TMTC2: variants seen among roughly 807,000 people sequenced by gnomAD.
The protein encoded by TMTC2 is transmembrane O-mannosyltransferase targeting cadherins 2.
A neutral mutation model predicts 82.4 loss-of-function variants in TMTC2; 43 were observed. The ratio of observed to expected loss-of-function variants is 0.52; its 90% CI spans 0.41 to 0.67. The LOEUF is 0.67. TMTC2 is among the 30% of genes least tolerant of loss of function. TMTC2 has a pLI of 0.00. For missense variants in TMTC2, 919 were observed against 1,012.4 expected (o/e 0.91, Z 1.25); for synonymous variants, 408 against 381.9 (o/e 1.07, Z -0.80).
At chr12:82,726,179 G>C (rs1874437222) in intron 1 of TMTC2, among the ~76,000 whole-genome samples, 1 of 152,138 alleles carries the variant, frequency 6.6e-6, no homozygotes, top group Non-Finnish European at 1.5e-5. Context: ...GTGATATATA[G>C]GGTGAAATAA....
intron 1 of TMTC2, among the ~76,000 whole-genome samples, chr12:82,691,251 C>A (rs1374931576): frequency 6.6e-6 from 1 of 152,050 alleles, no homozygotes; most frequent in East Asian, 1.9e-4. Flanking sequence ...TTTCTTATTG[C>A]CCATTTTGCA....
intron 1 of TMTC2, among the ~76,000 whole-genome samples, chr12:82,741,123 C>G (rs894614353): frequency 1.3e-5 from 2 of 152,202 alleles, no homozygotes. Flanking sequence ...GAGTCTGACA[C>G]TCATCTCCTG....
At chr12:82,732,125 A>C (rs748480019) in intron 1 of TMTC2, among the ~76,000 whole-genome samples, 33 of 152,212 alleles carry the variant, frequency 2.2e-4, no homozygotes, top group Non-Finnish European at 4.1e-4. Flanking sequence ...AAACAGAATT[A>C]AGTACTTATG....
chr12:83,131,802 T>C (rs193142034), intron 11 of TMTC2, among the ~76,000 whole-genome samples: 2 of 152,234 alleles, frequency 1.3e-5, no homozygotes, highest in African/African-American at 2.4e-5. Flanking sequence ...TGAATAGATA[T>C]GGATTTGTCA....
At chr12:82,952,067 C>T (rs1038523752) in intron 4 of TMTC2, among the ~76,000 whole-genome samples, 3 of 152,158 alleles carry the variant, frequency 2.0e-5, no homozygotes, top group Non-Finnish European at 4.4e-5. Context: ...CTGGTATCTC[C>T]CGCGGAGCTC....
chr12:82,780,739 A>G (rs754742461), intron 1 of TMTC2, among the ~76,000 whole-genome samples: 2 of 148,756 alleles, frequency 1.3e-5, no homozygotes, highest in African/African-American at 2.5e-5. Flanking sequence ...GGCAAATCTT[A>G]AAGAAGGCAC....
At chr12:82,915,775 A>G (rs1874966163) in intron 3 of TMTC2, among the ~76,000 whole-genome samples, 1 of 152,238 alleles carries the variant, frequency 6.6e-6, no homozygotes, top group East Asian at 1.9e-4. Context: ...GTTAGAAGCA[A>G]GCTGTAAGGG....
At chr12:82,707,926 A>G (rs1873440536) in intron 1 of TMTC2, among the ~76,000 whole-genome samples, 1 of 152,248 alleles carries the variant, frequency 6.6e-6, no homozygotes, top group African/African-American at 2.4e-5. Flanking sequence ...CCACAGAATT[A>G]TGAGGTGGTC....
intron 4 of TMTC2, among the ~76,000 whole-genome samples, chr12:82,957,769 A>C (rs73146517): frequency 0.059 from 9,035 of 152,214 alleles, 327 homozygotes; most frequent in Middle Eastern, 0.11. Context: ...GAAATGGATA[A>C]ATTCCTGGAA....
intron 3 of TMTC2, among the ~76,000 whole-genome samples, chr12:82,929,130 G>A (rs902239929): frequency 7.2e-5 from 11 of 151,954 alleles, no homozygotes; most frequent in Non-Finnish European, 1.2e-4. Context: ...GCTTGAGTGC[G>A]GTGGCGTGAT....
Position 83,123,189 on chromosome 12 carries a change from C to T in TMTC2, c.2332-9021C>T, listed in dbSNP as rs535153111. On this transcript the variant is annotated intron_variant, in intron 11 of 11. Coordinates refer to ENST00000321196, the MANE Select transcript of TMTC2 (RefSeq NM_152588.3). Reference sequence around the variant, plus strand: ...GTAACACCCACTGGGACGAGGCAGACGTAGGAGGGAAGGATTGAGCACACA... The same window carrying T: ...GTAACACCCACTGGGACGAGGCAGATGTAGGAGGGAAGGATTGAGCACACA... Among the ~76,000 whole-genome samples, 471 of 152,260 alleles carry T rather than the reference C, an allele frequency of 3.1e-3. 1 individual carries two copies. Among genetic ancestry groups the T allele is most frequent in the African/African-American group, 0.011 (452 of 41,542 alleles).
chr12:82,965,819 C>G, intron 6 of TMTC2, 75 bp downstream of exon 6: 1 of 1,541,688 alleles, frequency 6.5e-7, no homozygotes, highest in African/African-American at 1.4e-5. Context: ...AACCTACAGC[C>G]TCCTTTGAGC....
intron 11 of TMTC2, among the ~76,000 whole-genome samples, chr12:83,109,563 TTCC>T (rs1884531144): frequency 6.6e-6 from 1 of 152,218 alleles, no homozygotes; most frequent in Non-Finnish European, 1.5e-5. Flanking sequence ...CAAACATCCC[TTCC>T]TTGACTACTA....
At chr12:83,043,941 T>C (rs1278055046) in intron 9 of TMTC2, among the ~76,000 whole-genome samples, 1 of 152,212 alleles carries the variant, frequency 6.6e-6, no homozygotes, top group East Asian at 1.9e-4. Flanking sequence ...AATTAAAATA[T>C]ATTTGAAGGT....
intron 1 of TMTC2, among the ~76,000 whole-genome samples, chr12:82,708,027 T>TG (rs1479746804): frequency 2.6e-5 from 4 of 152,320 alleles, no homozygotes; most frequent in African/African-American, 9.6e-5. Context: ...GAGCATCTTG[T>TG]GGGGCAAACC....
intron 4 of TMTC2, among the ~76,000 whole-genome samples, chr12:82,947,345 C>CT (rs1195188141): frequency 0.012 from 1,608 of 134,184 alleles, 13 homozygotes; most frequent in African/African-American, 0.032. Context: ...CTTTTTTTTT[C>CT]TTTTTTTTTT....
intron 1 of TMTC2, among the ~76,000 whole-genome samples, chr12:82,705,513 A>C (rs527769845): frequency 5.1e-4 from 78 of 152,368 alleles, no homozygotes; most frequent in African/African-American, 1.7e-3. Context: ...GGGTATGCTT[A>C]CCATTTTAGG....
chr12:83,132,291 G>T lies in TMTC2; in HGVS notation c.2413G>T (p.Ala805Ser), dbSNP rs765085048. 2 of 1,613,924 alleles carry T rather than the reference G, an allele frequency of 1.2e-6. No individual in the cohort carries two copies. Among genetic ancestry groups the T allele is most frequent in the Non-Finnish European group, 1.7e-6 (2 of 1,179,932 alleles). ...LQKAEANYLR[A>S]LQLKPDDVIT... ...GAAGGCCGAGGCCAACTACCTGCGGGCCCTGCAGCTCAAGCCAGACGATGT... is the reference window on the plus strand; with the variant it reads ...GAAGGCCGAGGCCAACTACCTGCGGTCCCTGCAGCTCAAGCCAGACGATGT... The change falls in exon 12 of 12, where the codon GCC becomes TCC. Residue 805 changes from alanine (A) to serine (S), a missense_variant. By Grantham distance (99) the Ala-to-Ser change is moderately conservative. Transcript: ENST00000321196.
intron 1 of TMTC2, among the ~76,000 whole-genome samples, chr12:82,853,032 T>G (rs1871064491): frequency 6.6e-6 from 1 of 152,220 alleles, no homozygotes; most frequent in Admixed American, 6.5e-5. Context: ...ACTCTTTTGC[T>G]CCTTCATTTT....
Sources: gnomAD v4.1 joint callset for allele counts (sites outside exome capture counted in the v4.1 genomes callset) on GRCh38, gnomAD v4.1.1 for gene constraint, MANE v1.5 for transcripts, NCBI Gene and HGNC (gene_info 2026-07-23, HGNC 2026-07-21) for gene names.